The following CNTN3 variants were observed in gnomAD, a reference collection of about 807,000 sequenced individuals.
CNTN3 encodes the protein contactin 3, also known as contactin-3.
A neutral mutation model predicts 119.1 loss-of-function variants in CNTN3; 60 were observed. That is an observed-to-expected ratio of 0.50 (90% confidence interval 0.41 to 0.62). The LOEUF (loss-of-function observed/expected upper bound fraction) is 0.62. CNTN3 is among the 20% of genes least tolerant of loss of function. The pLI is 0.00. For missense variants in CNTN3, 1,101 were observed against 1,242.4 expected (o/e 0.89, Z 1.71); for synonymous variants, 450 against 438.7 (o/e 1.03, Z -0.32).
intron 1 of CNTN3, among the ~76,000 whole-genome samples, chr3:74,585,213 T>A (rs1704574415): frequency 6.6e-6 from 1 of 152,158 alleles, no homozygotes; most frequent in African/African-American, 2.4e-5. Flanking sequence ...TATCCATAAA[T>A]CACAAAGTGT....
chr3:74,488,151 T>G (rs1193229064), intron 3 of CNTN3, among the ~76,000 whole-genome samples: 1 of 151,894 alleles, frequency 6.6e-6, no homozygotes, highest in Admixed American at 6.6e-5. Context: ...TCCCTCTGTC[T>G]CCCAGGCTGG....
chr3:74,451,435 TTGTG>T (rs1420463625), intron 4 of CNTN3, among the ~76,000 whole-genome samples: 9 of 152,284 alleles, frequency 5.9e-5, no homozygotes, highest in Admixed American at 1.3e-4. Context: ...GATGAGTAGG[TTGTG>T]AAAATTTTCT....
chr3:74,436,462 A>C (rs529442380), intron 4 of CNTN3, among the ~76,000 whole-genome samples: 1 of 152,152 alleles, frequency 6.6e-6, no homozygotes, highest in African/African-American at 2.4e-5. Flanking sequence ...CAGGGCAAAC[A>C]GAATGCTTGT....
intron 20 of CNTN3, among the ~76,000 whole-genome samples, chr3:74,278,800 A>G (rs1346724958): frequency 6.6e-6 from 1 of 152,188 alleles, no homozygotes; most frequent in Non-Finnish European, 1.5e-5. Context: ...GCAAAGCAAC[A>G]GTCAGCAGAG....
At chr3:74,462,199 G>A (rs1702382933) in intron 4 of CNTN3, among the ~76,000 whole-genome samples, 1 of 151,916 alleles carries the variant, frequency 6.6e-6, no homozygotes, top group Non-Finnish European at 1.5e-5. Flanking sequence ...GTTTCCTGAG[G>A]CCTCCTCAGA....
chr3:74,586,390 C>G (rs1004873897), intron 1 of CNTN3, among the ~76,000 whole-genome samples: 8 of 152,106 alleles, frequency 5.3e-5, no homozygotes, highest in African/African-American at 1.9e-4. Flanking sequence ...AGAAACACTT[C>G]CCCTCATTTG....
intron 20 of CNTN3, among the ~76,000 whole-genome samples, chr3:74,272,426 T>C (rs1021411261): frequency 3.9e-5 from 6 of 152,190 alleles, no homozygotes; most frequent in South Asian, 2.1e-4. Flanking sequence ...AGCAGAAAAT[T>C]CCTGTTTGAA....
intron 4 of CNTN3, 54 bp from the exon 5 acceptor site, chr3:74,424,994 A>G (rs897072459): frequency 3.4e-6 from 4 of 1,173,466 alleles, no homozygotes; most frequent in Admixed American, 2.4e-5. Context: ...TAAATCACAA[A>G]TTTTACACCA....
intron 1 of CNTN3, among the ~76,000 whole-genome samples, chr3:74,569,575 A>T (rs1704278296): frequency 6.6e-6 from 1 of 152,190 alleles, no homozygotes; most frequent in African/African-American, 2.4e-5. Context: ...CTGAATAATA[A>T]AGAAAAGTAT....
At chr3:74,265,312 C>T (rs1002719005) in intron 22 of CNTN3, among the ~76,000 whole-genome samples, 2 of 152,026 alleles carry the variant, frequency 1.3e-5, no homozygotes, top group Non-Finnish European at 2.9e-5. Flanking sequence ...TAACATCTGT[C>T]CCTGCAAAAG....
rs552480532 is a variant in CNTN3 at position 74,571,337 on chromosome 3, G to A, written c.-81+43054C>T. Among the ~76,000 whole-genome samples the A allele has an allele frequency of 2.6e-5, 4 of 152,298 alleles. No individual in the cohort carries two copies. The East Asian group carries it at 7.7e-4, about 29-fold the overall frequency. ...GAGCATTAAATCACCAGGGGATGCT[G>A]CCTTCTAACCTGCAGGATTCTCATG... On this transcript the variant is annotated intron_variant, in intron 1 of 22. Transcript: ENST00000263665.
At chr3:74,343,799 A>G (rs1378091307) in intron 11 of CNTN3, among the ~76,000 whole-genome samples, 1 of 152,206 alleles carries the variant, frequency 6.6e-6, no homozygotes, top group Non-Finnish European at 1.5e-5. Flanking sequence ...CCATCAGATT[A>G]GGTCTGGGAT....
intron 4 of CNTN3, among the ~76,000 whole-genome samples, chr3:74,455,496 G>C (rs1354605711): frequency 6.6e-6 from 1 of 152,040 alleles, no homozygotes; most frequent in East Asian, 1.9e-4. Context: ...TTCTTCTCTC[G>C]ACTCGTCAAA....
intron 22 of CNTN3, 32 bp from the exon 23 acceptor site, chr3:74,264,533 G>C (rs1399253679): frequency 7.1e-7 from 1 of 1,399,918 alleles, no homozygotes; most frequent in Non-Finnish European, 1.0e-6. Context: ...TCATTAATAA[G>C]GATTGTACCA....
chr3:74,588,101 G>C (rs930457623), intron 1 of CNTN3, among the ~76,000 whole-genome samples: 3 of 152,024 alleles, frequency 2.0e-5, no homozygotes, highest in African/African-American at 7.2e-5. Flanking sequence ...TACATTTATT[G>C]ATTTGTGTAT....
chr3:74,340,362 T>C (rs1176955358), intron 11 of CNTN3, among the ~76,000 whole-genome samples: 1 of 152,092 alleles, frequency 6.6e-6, no homozygotes, highest in East Asian at 1.9e-4. Context: ...TGCTTGTACT[T>C]GTTAGAGAAT....
intron 13 of CNTN3, among the ~76,000 whole-genome samples, chr3:74,303,218 G>A (rs932017328): frequency 5.3e-5 from 8 of 152,106 alleles, no homozygotes; most frequent in Non-Finnish European, 1.0e-4. Context: ...ACACATGTGG[G>A]TATCTAGTGG....
intron 4 of CNTN3, among the ~76,000 whole-genome samples, chr3:74,468,592 A>ATTTT (rs1382053009): frequency 5.9e-5 from 9 of 152,302 alleles, no homozygotes; most frequent in African/African-American, 1.7e-4. Context: ...GAATTAACAG[A>ATTTT]TTATTTTTTA....
At chr3:74,598,636 C>T (rs979947959) in intron 1 of CNTN3, among the ~76,000 whole-genome samples, 2 of 151,858 alleles carry the variant, frequency 1.3e-5, no homozygotes, top group Admixed American at 1.3e-4. Flanking sequence ...TTACTGTGTC[C>T]TTTAATATAG....
Sources: allele counts gnomAD v4.1 joint callset (sites outside exome capture counted in the v4.1 genomes callset), GRCh38; gene constraint gnomAD v4.1.1; transcripts MANE v1.5; gene names NCBI Gene and HGNC (gene_info 2026-07-23, HGNC 2026-07-21).